The following RGS17 variants were observed in gnomAD, a reference collection of about 807,000 sequenced individuals.
RGS17 encodes regulator of G protein signaling 17, also known as regulator of G-protein signaling 17.
RGS17 carries 12 observed loss-of-function variants against 25.5 expected under a neutral mutation model. The ratio of observed to expected loss-of-function variants is 0.47; its 90% CI spans 0.30 to 0.76. The LOEUF is 0.76. RGS17 is among the 30% of genes least tolerant of loss of function. The pLI is 0.07. For missense variants in RGS17, 196 were observed against 242.2 expected (o/e 0.81, Z 1.27); for synonymous variants, 71 against 76.9 (o/e 0.92, Z 0.40).
At chr6:153,085,670 C>A (rs1777042313) in intron 1 of RGS17, among the ~76,000 whole-genome samples, 1 of 152,162 alleles carries the variant, frequency 6.6e-6, no homozygotes, top group South Asian at 2.1e-4. Context: ...AAAGAAAAAT[C>A]ACAAAATGTC....
At chr6:153,033,744 T>A (rs1179580957) in intron 2 of RGS17, among the ~76,000 whole-genome samples, 2 of 151,746 alleles carry the variant, frequency 1.3e-5, no homozygotes, top group Non-Finnish European at 2.9e-5. Flanking sequence ...TAAATAAAAA[T>A]AAAATAAAAA....
Position 153,009,129 on chromosome 6 carries a change from T to C in RGS17, c.*2445A>G, listed in dbSNP as rs1779106359. On this transcript the variant is annotated 3_prime_UTR_variant, in exon 5 of 5. Coordinates refer to ENST00000206262, the MANE Select transcript of RGS17 (RefSeq NM_012419.5). ...GACTCTTTATAACGGCCCTTATCTT[T>C]TACATTTGGTAAAATATTAAAGATA... is the stretch of plus-strand genomic sequence containing the variant. 6.6e-6 allele frequency: 1 copy of C among 152,174 alleles called. No individual in the cohort carries two copies. The highest frequency in any genetic ancestry group is 1.5e-5 in the Non-Finnish European group (1 of 67,992). 9.4% of individuals were successfully genotyped at this position (152,174 alleles called of 1,614,324 possible). A position where few individuals can be genotyped will look rare whatever the true frequency, so the allele number is the denominator to read the frequency against.
chr6:153,071,651 T>C (rs1045303658), intron 1 of RGS17, among the ~76,000 whole-genome samples: 2 of 152,164 alleles, frequency 1.3e-5, no homozygotes, highest in African/African-American at 2.4e-5. Flanking sequence ...AAATGCTTGT[T>C]CTCAATTTCT....
intron 2 of RGS17, among the ~76,000 whole-genome samples, chr6:153,034,775 C>T (rs962738739): frequency 2.6e-5 from 4 of 152,190 alleles, no homozygotes; most frequent in African/African-American, 9.7e-5. Flanking sequence ...GCAAGACTAC[C>T]TCTAGAACGA....
chr6:153,017,538 G>A (rs78265577), intron 4 of RGS17, among the ~76,000 whole-genome samples: 6,127 of 152,174 alleles, frequency 0.04, 404 homozygotes, highest in African/African-American at 0.14. Context: ...GGTTAGCATT[G>A]CTGAAAGGGG....
chr6:153,060,152 C>G (rs534002762), intron 1 of RGS17, among the ~76,000 whole-genome samples: 169 of 152,290 alleles, frequency 1.1e-3, no homozygotes, highest in Non-Finnish European at 2.1e-3. Flanking sequence ...GTCAGAAGGA[C>G]ACGGAGTGTC....
intron 2 of RGS17, among the ~76,000 whole-genome samples, chr6:153,030,138 A>T (rs1414014292): frequency 3.3e-5 from 5 of 152,174 alleles, no homozygotes. Flanking sequence ...TTGAAAAGGG[A>T]GGAAAAATAC....
At chr6:153,094,900 A>C (rs1210279875) in intron 1 of RGS17, among the ~76,000 whole-genome samples, 1 of 40,552 alleles carries the variant, frequency 2.5e-5, no homozygotes, top group Non-Finnish European at 4.9e-5. Context: ...AACATTTTAA[A>C]TCACTTTTTA....
chr6:153,097,773 A>T (rs970043269), intron 1 of RGS17, among the ~76,000 whole-genome samples: 27 of 152,250 alleles, frequency 1.8e-4, no homozygotes, highest in African/African-American at 5.8e-4. Flanking sequence ...TGTGAGAGCG[A>T]CAGTATGCCT....
intron 1 of RGS17, among the ~76,000 whole-genome samples, chr6:153,063,422 T>C (rs1776665389): frequency 6.6e-6 from 1 of 152,052 alleles, no homozygotes; most frequent in Non-Finnish European, 1.5e-5. Flanking sequence ...ATTCTGGAGC[T>C]GAAAAATGCA....
At chr6:153,075,457 T>G (rs956967788) in intron 1 of RGS17, among the ~76,000 whole-genome samples, 1 of 152,200 alleles carries the variant, frequency 6.6e-6, no homozygotes, top group Non-Finnish European at 1.5e-5. Context: ...CTGTCTGATG[T>G]GGATCTCACA....
intron 1 of RGS17, among the ~76,000 whole-genome samples, chr6:153,071,417 C>A (rs1776801680): frequency 1.3e-5 from 2 of 151,984 alleles, no homozygotes; most frequent in Admixed American, 1.3e-4. Context: ...CCTCACTAAT[C>A]CTCCTGGTTA....
At chr6:153,058,576 TG>T (rs1776595529) in intron 1 of RGS17, among the ~76,000 whole-genome samples, 1 of 152,198 alleles carries the variant, frequency 6.6e-6, no homozygotes, top group African/African-American at 2.4e-5. Flanking sequence ...ACCATGTAGT[TG>T]TTGATTCAGT....
intron 1 of RGS17, among the ~76,000 whole-genome samples, chr6:153,104,683 A>C (rs1218712336): frequency 6.6e-6 from 1 of 152,146 alleles, no homozygotes; most frequent in Non-Finnish European, 1.5e-5. Context: ...TGGAACATTT[A>C]AGAGTTATAG....
intron 1 of RGS17, among the ~76,000 whole-genome samples, chr6:153,106,596 G>T (rs1777388806): frequency 6.6e-6 from 1 of 151,806 alleles, no homozygotes. Flanking sequence ...AACAATCCTG[G>T]AGAGTAATGG....
In RGS17 at chr6:153,004,800, A is replaced by T. The variant is rs1779057039; in HGVS notation, c.*6774T>A. On this transcript the variant is annotated 3_prime_UTR_variant, in exon 5 of 5. Coordinates refer to ENST00000206262, the MANE Select transcript of RGS17 (RefSeq NM_012419.5). ...ATCTGGATTATCTATTCAATTTGTG[A>T]ATACCCACCGTTATTCTGGCATTGC... is the stretch of plus-strand genomic sequence containing the variant. The T allele has an allele frequency of 6.6e-6, 1 of 152,198 alleles. No individual in the cohort carries two copies. Among genetic ancestry groups the T allele is most frequent in the Non-Finnish European group, 1.5e-5 (1 of 68,004 alleles). The allele number at this position is 152,198 out of a possible 1,614,324, so 9.4% of individuals were successfully genotyped here. A position where few individuals can be genotyped will look rare whatever the true frequency, so the allele number is the denominator to read the frequency against.
chr6:153,044,500 T>A (rs1371671963), intron 1 of RGS17, among the ~76,000 whole-genome samples: 1 of 152,188 alleles, frequency 6.6e-6, no homozygotes, highest in African/African-American at 2.4e-5. Context: ...TATAAGAGTA[T>A]GAGGAAGATC....
In RGS17 at chr6:153,005,063, G is replaced by T. The variant is rs1201793852; in HGVS notation, c.*6511C>A. ...ACAAGAAAGGTGTTTATGACAAATC[G>T]GTTAAAGCTAGCGGGAAATAGGTCT... On this transcript the variant is annotated 3_prime_UTR_variant, in exon 5 of 5. Coordinates refer to ENST00000206262, the MANE Select transcript of RGS17 (RefSeq NM_012419.5). The T allele has an allele frequency of 6.6e-6, 1 of 152,072 alleles. No homozygotes were observed. Among genetic ancestry groups the T allele is most frequent in the Non-Finnish European group, 1.5e-5 (1 of 67,984 alleles). 9.4% of individuals were successfully genotyped at this position (152,072 alleles called of 1,614,324 possible).
Position 153,055,884 on chromosome 6 carries a change from C to T in RGS17, c.-25-11841G>A, listed in dbSNP as rs555916459. 5.3e-5 allele frequency among the ~76,000 whole-genome samples: 8 copies of T among 152,280 alleles called. No homozygotes were observed. In the South Asian group the frequency reaches 1.7e-3, roughly 32 times the overall value. On this transcript the variant is annotated intron_variant, in intron 1 of 4. Transcript: ENST00000206262. ...GTTACTTCTTTCCCTTCCCCAGGGT[C>T]AGGTGCAATGATCAAAACCATCTCA... is the stretch of plus-strand genomic sequence containing the variant.
Sources: gnomAD v4.1 joint callset for allele counts (sites outside exome capture counted in the v4.1 genomes callset) on GRCh38, gnomAD v4.1.1 for gene constraint, MANE v1.5 for transcripts, NCBI Gene and HGNC (gene_info 2026-07-23, HGNC 2026-07-21) for gene names.